SMAD9: variants seen among roughly 807,000 people sequenced by gnomAD.
The protein encoded by SMAD9 is SMAD family member 9.
SMAD9 carries 36 observed loss-of-function variants against 46.1 expected under a neutral mutation model. The ratio of observed to expected loss-of-function variants is 0.78; its 90% CI spans 0.60 to 1.03. SMAD9 has a LOEUF of 1.03. Ranked by LOEUF, SMAD9 falls within the 50% of genes least tolerant of loss-of-function variation. The pLI is 0.00. For missense variants in SMAD9, 572 were observed against 599.8 expected (o/e 0.95, Z 0.48); for synonymous variants, 245 against 237.1 (o/e 1.03, Z -0.31).
intron 1 of SMAD9, among the ~76,000 whole-genome samples, chr13:36,914,909 A>C (rs1453545291): frequency 1.3e-5 from 2 of 152,268 alleles, no homozygotes; most frequent in Non-Finnish European, 2.9e-5. Context: ...AAAATCCTTT[A>C]GAATGACATT....
At chr13:36,893,285 T>C (rs968506085) in intron 1 of SMAD9, among the ~76,000 whole-genome samples, 1 of 151,738 alleles carries the variant, frequency 6.6e-6, no homozygotes, top group Non-Finnish European at 1.5e-5. Flanking sequence ...ATTCTACTTC[T>C]TGAAGTTTTT....
rs2058053634 is a variant in SMAD9, at chr13:36,848,922, GC to G, written c.1261-104del. 3 of 1,128,170 alleles carry G rather than the reference GC, an allele frequency of 2.7e-6. No homozygotes were observed. The Admixed American group carries it at 6.1e-5, about 23-fold the overall frequency. The allele number at this position is 1,128,170 out of a possible 1,614,324, so 69.9% of individuals were successfully genotyped here. ...GGCACAGAGCCCACACCCCAGCGTA[GC>G]TCCTGAGACCTGAGAGGGAGAGAAC... On this transcript the variant is annotated intron_variant, in intron 6 of 6. Coordinates refer to ENST00000379826, the MANE Select transcript of SMAD9 (RefSeq NM_001127217.3).
intron 1 of SMAD9, among the ~76,000 whole-genome samples, chr13:36,883,031 TATA>T (rs2058417022): frequency 6.6e-6 from 1 of 152,186 alleles, no homozygotes; most frequent in African/African-American, 2.4e-5. Context: ...TTCTCATTCC[TATA>T]ATGTTTTAGC....
At chr13:36,856,459 G>A (rs183225013) in intron 5 of SMAD9, among the ~76,000 whole-genome samples, 1 of 152,330 alleles carries the variant, frequency 6.6e-6, no homozygotes, top group Admixed American at 6.5e-5. Context: ...CAGGTAGGCA[G>A]TCGTCCAGCA....
intron 5 of SMAD9, among the ~76,000 whole-genome samples, chr13:36,859,430 T>G (rs897235751): frequency 4.6e-5 from 7 of 152,132 alleles, no homozygotes; most frequent in African/African-American, 1.7e-4. Flanking sequence ...TAGGATGAGA[T>G]AGGTTGGCAC....
At chr13:36,854,511 G>C (rs2138295008) in intron 5 of SMAD9, among the ~76,000 whole-genome samples, 1 of 152,238 alleles carries the variant, frequency 6.6e-6, no homozygotes, top group South Asian at 2.1e-4. Context: ...AGGATTACAG[G>C]TGCCCGCCAA....
chr13:36,872,526 G>T, intron 3 of SMAD9, 132 bp downstream of exon 3: 1 of 1,066,904 alleles, frequency 9.4e-7, no homozygotes, highest in Non-Finnish European at 1.4e-6. Flanking sequence ...TCATTTTAAG[G>T]CTGATTGCTT....
chr13:36,894,063 A>G (rs2058509467), intron 1 of SMAD9, among the ~76,000 whole-genome samples: 1 of 152,260 alleles, frequency 6.6e-6, no homozygotes, highest in African/African-American at 2.4e-5. Flanking sequence ...TTCAAAGATT[A>G]AGAAAAAATA....
intron 1 of SMAD9, among the ~76,000 whole-genome samples, chr13:36,912,682 T>C (rs1209408715): frequency 6.6e-6 from 1 of 152,110 alleles, no homozygotes; most frequent in East Asian, 1.9e-4. Flanking sequence ...AGTAGTGAAA[T>C]TCCATGGCCT....
chr13:36,896,788 T>C (rs1490084543), intron 1 of SMAD9, among the ~76,000 whole-genome samples: 1 of 152,186 alleles, frequency 6.6e-6, no homozygotes, highest in Admixed American at 6.5e-5. Context: ...TAAACTTTTT[T>C]AAATAATTCA....
At position 36,848,407 on chromosome 13, in the gene SMAD9, C is replaced by T. The variant is rs1593541558; in HGVS notation, c.*269G>A. 2 of 483,104 alleles carry T rather than the reference C, an allele frequency of 4.1e-6. No homozygotes were observed. The allele number at this position is 483,104 out of a possible 1,614,324, so 29.9% of individuals were successfully genotyped here. On this transcript the variant is annotated 3_prime_UTR_variant, in exon 7 of 7. Transcript: ENST00000379826. ...TTATTCTGCTAACACCCTTCAAATA[C>T]TGTTGACAATATCGCCTCTCAAGTG...
chr13:36,909,371 C>T (rs1453294471), intron 1 of SMAD9, among the ~76,000 whole-genome samples: 1 of 152,176 alleles, frequency 6.6e-6, no homozygotes, highest in African/African-American at 2.4e-5. Flanking sequence ...CATATTTAAA[C>T]ATTTCAGTGA....
At chr13:36,897,550 G>C (rs544259756) in intron 1 of SMAD9, among the ~76,000 whole-genome samples, 3 of 152,164 alleles carry the variant, frequency 2.0e-5, no homozygotes, top group Admixed American at 6.5e-5. Context: ...TTGAAAACTG[G>C]CATCAACTGA....
At chr13:36,865,909 C>T (rs1459598515) in intron 4 of SMAD9, 151 bp from the exon 5 acceptor site, 2 of 683,926 alleles carry the variant, frequency 2.9e-6, no homozygotes, top group South Asian at 1.7e-5. Flanking sequence ...GAACCTGTAG[C>T]TCTCATGGGA....
chr13:36,851,553 G>A (rs530745251), intron 6 of SMAD9: 9 of 158,430 alleles, frequency 5.7e-5, no homozygotes, highest in Admixed American at 3.9e-4. Context: ...TGAGGTCAGA[G>A]ATCTGTGAGT....
intron 1 of SMAD9, among the ~76,000 whole-genome samples, chr13:36,883,284 C>T (rs2058418937): frequency 6.6e-6 from 1 of 151,980 alleles, no homozygotes; most frequent in African/African-American, 2.4e-5. Context: ...AAACTGGTTG[C>T]AAAAACAGGA....
intron 2 of SMAD9, among the ~76,000 whole-genome samples, chr13:36,875,305 C>T (rs903606574): frequency 1.2e-4 from 18 of 152,232 alleles, no homozygotes; most frequent in African/African-American, 4.3e-4. Context: ...TGACACCATA[C>T]ATCTATCTCT....
intron 1 of SMAD9, among the ~76,000 whole-genome samples, chr13:36,884,849 C>T (rs912382305): frequency 2.0e-5 from 3 of 152,198 alleles, no homozygotes; most frequent in African/African-American, 4.8e-5. Context: ...CAATCCTTCA[C>T]GGGCACTGCT....
At chr13:36,897,003 CTA>C (rs1156825307) in intron 1 of SMAD9, among the ~76,000 whole-genome samples, 15 of 152,080 alleles carry the variant, frequency 9.9e-5, no homozygotes, top group East Asian at 1.9e-4. Flanking sequence ...TTAGAACACT[CTA>C]TGTGTAGATT....
Sources: gnomAD v4.1 joint callset for allele counts (sites outside exome capture counted in the v4.1 genomes callset) on GRCh38, gnomAD v4.1.1 for gene constraint, MANE v1.5 for transcripts, NCBI Gene and HGNC (gene_info 2026-07-23, HGNC 2026-07-21) for gene names.